The following KLHL1 variants were observed in gnomAD, a reference collection of about 807,000 sequenced individuals.
KLHL1 encodes the protein kelch-like protein 1.
A neutral mutation model predicts 77.7 loss-of-function variants in KLHL1; 47 were observed. The observed-to-expected ratio is 0.60, with a 90% CI of 0.48 to 0.77. KLHL1 has a LOEUF of 0.77. KLHL1 is among the 30% of genes least tolerant of loss of function. KLHL1 has a pLI of 0.00. For synonymous variants in KLHL1, 360 were observed against 325.2 expected, an observed-to-expected ratio of 1.11 and a Z score of -1.15; for missense variants, 925 against 910.8, an observed-to-expected ratio of 1.02 and a Z score of -0.20.
intron 4 of KLHL1, among the ~76,000 whole-genome samples, chr13:69,912,557 A>T (rs1882273277): frequency 6.6e-6 from 1 of 151,678 alleles, no homozygotes; most frequent in South Asian, 2.1e-4. Context: ...TTCTTTTTAA[A>T]TTTTTTTTTA....
intron 1 of KLHL1, among the ~76,000 whole-genome samples, chr13:69,988,151 T>C (rs1411640863): frequency 6.6e-6 from 1 of 151,954 alleles, no homozygotes; most frequent in Non-Finnish European, 1.5e-5. Flanking sequence ...GTGTCTGTTG[T>C]TCTGTTTCTG....
chr13:69,715,390 C>T (rs763427406), intron 9 of KLHL1, among the ~76,000 whole-genome samples: 1 of 152,094 alleles, frequency 6.6e-6, no homozygotes, highest in Non-Finnish European at 1.5e-5. Flanking sequence ...TCGTGCACTC[C>T]CTTGCCTGCT....
chr13:69,771,229 C>T (rs993125219), intron 7 of KLHL1, among the ~76,000 whole-genome samples: 32 of 150,554 alleles, frequency 2.1e-4, no homozygotes, highest in Admixed American at 6.6e-4. Flanking sequence ...GTTGCCTGTT[C>T]TCTCTCTACA....
chr13:69,955,824 T>C (rs1883847140), intron 3 of KLHL1, among the ~76,000 whole-genome samples: 3 of 147,404 alleles, frequency 2.0e-5, no homozygotes, highest in African/African-American at 7.4e-5. Context: ...TATTTGCTGT[T>C]ATCAAAAATT....
chr13:69,858,964 A>G (rs1229053186), intron 5 of KLHL1, among the ~76,000 whole-genome samples: 1 of 152,104 alleles, frequency 6.6e-6, no homozygotes, highest in East Asian at 1.9e-4. Context: ...GTCTATATCT[A>G]TCTTGATTCA....
intron 1 of KLHL1, among the ~76,000 whole-genome samples, chr13:69,992,731 C>A (rs1232755032): frequency 6.6e-6 from 1 of 151,854 alleles, no homozygotes; most frequent in African/African-American, 2.4e-5. Flanking sequence ...AAAGCCTGAA[C>A]CAAGAACTAC....
At chr13:69,899,613 C>T (rs1881785406) in intron 4 of KLHL1, among the ~76,000 whole-genome samples, 1 of 152,086 alleles carries the variant, frequency 6.6e-6, no homozygotes, top group Non-Finnish European at 1.5e-5. Context: ...CACTTGGATG[C>T]CTACTCTGAA....
rs1875478147 is a variant in KLHL1, at chr13:69,703,225, T to C, written c.2188-1464A>G. 2.6e-5 allele frequency among the ~76,000 whole-genome samples: 4 copies of C among 151,438 alleles called. No individual in the cohort carries two copies. In the Admixed American group the frequency reaches 2.6e-4, roughly 10 times the overall value. ...GCTGAAAAATTCCATCGTCTGGTAA[T>C]GTCATAGCCCTCTTAACATGAAAGC... On this transcript the variant is annotated intron_variant, in intron 10 of 10. Transcript: ENST00000377844.
chr13:70,024,951 T>C (rs1008732373), intron 1 of KLHL1, among the ~76,000 whole-genome samples: 7 of 151,948 alleles, frequency 4.6e-5, no homozygotes, highest in Non-Finnish European at 1.0e-4. Context: ...GCTAACCCTT[T>C]ATAAGCTCCT....
intron 4 of KLHL1, among the ~76,000 whole-genome samples, chr13:69,939,378 T>TATACACAC (rs1200160699): frequency 1.3e-3 from 93 of 70,790 alleles, no homozygotes; most frequent in Middle Eastern, 7.9e-3. Flanking sequence ...TATATATATA[T>TATACACAC]ACACACACAC....
At chr13:69,809,238 C>A (rs1877756366) in intron 6 of KLHL1, among the ~76,000 whole-genome samples, 2 of 151,960 alleles carry the variant, frequency 1.3e-5, no homozygotes, top group African/African-American at 4.8e-5. Context: ...GACTATAAGT[C>A]CCAAGGCACA....
chr13:69,706,519 T>G (rs1418916957), intron 10 of KLHL1, among the ~76,000 whole-genome samples: 1 of 151,950 alleles, frequency 6.6e-6, no homozygotes, highest in Non-Finnish European at 1.5e-5. Flanking sequence ...GGTGTTCAAG[T>G]TCTTTAGATA....
chr13:69,844,708 A>G (rs1394064126), intron 5 of KLHL1, among the ~76,000 whole-genome samples: 1 of 151,632 alleles, frequency 6.6e-6, no homozygotes, highest in Non-Finnish European at 1.5e-5. Context: ...AGTTTGTTAT[A>G]AAATGTTCAT....
chr13:69,866,757 G>T (rs1216742705), intron 5 of KLHL1, among the ~76,000 whole-genome samples: 3 of 152,052 alleles, frequency 2.0e-5, no homozygotes, highest in Non-Finnish European at 4.4e-5. Flanking sequence ...TTTGCCCAGG[G>T]ACAAAGCATT....
At chr13:69,954,924 ATTAC>A (rs140728938) in intron 3 of KLHL1, among the ~76,000 whole-genome samples, 4,187 of 151,180 alleles carry the variant, frequency 0.028, 302 homozygotes, top group East Asian at 0.27. Flanking sequence ...TTTTATTTTT[ATTAC>A]TTTTATTTTG....
At chr13:69,776,155 C>CA (rs1049366321) in intron 7 of KLHL1, among the ~76,000 whole-genome samples, 5 of 148,670 alleles carry the variant, frequency 3.4e-5, no homozygotes, top group Admixed American at 6.7e-5. Context: ...GACTCCGTCT[C>CA]GGAAAAAAAA....
chr13:69,809,162 C>T (rs982384472), intron 6 of KLHL1, among the ~76,000 whole-genome samples: 12 of 151,972 alleles, frequency 7.9e-5, no homozygotes, highest in Non-Finnish European at 1.5e-4. Flanking sequence ...GAAATATTTC[C>T]GCAATCTTCC....
chr13:69,744,876 G>C (rs1196911742), intron 7 of KLHL1, among the ~76,000 whole-genome samples: 1 of 151,870 alleles, frequency 6.6e-6, no homozygotes, highest in East Asian at 1.9e-4. Flanking sequence ...CCATTCTATT[G>C]TTGATGAAAA....
At chr13:70,045,537 A>G (rs1886473318) in intron 1 of KLHL1, among the ~76,000 whole-genome samples, 1 of 151,524 alleles carries the variant, frequency 6.6e-6, no homozygotes, top group African/African-American at 2.4e-5. Flanking sequence ...TAATAAATAC[A>G]TATTATAATT....
Sources: allele counts gnomAD v4.1 joint callset (sites outside exome capture counted in the v4.1 genomes callset), GRCh38; gene constraint gnomAD v4.1.1; transcripts MANE v1.5; gene names NCBI Gene and HGNC (gene_info 2026-07-23, HGNC 2026-07-21).